Variants in LGR6 observed in about 807,000 individuals in gnomAD.
The protein encoded by LGR6 is leucine rich repeat containing G protein-coupled receptor 6, also known as leucine-rich repeat-containing G protein-coupled receptor 6.
Under a neutral mutation model 69.4 loss-of-function variants are expected in LGR6, and 45 were observed. The observed-to-expected ratio is 0.65, with a 90% CI of 0.51 to 0.83. LGR6 has a LOEUF of 0.83. Ranked by LOEUF, LGR6 falls within the 40% of genes least tolerant of loss-of-function variation. The pLI, the probability that LGR6 is intolerant of heterozygous loss-of-function variation, is 0.00. For synonymous variants in LGR6, 538 were observed against 555.0 expected (o/e 0.97, Z 0.43); for missense variants, 1,108 against 1,246.7 (o/e 0.89, Z 1.68).
chr1:202,301,344 C>T (rs891800667), intron 9 of LGR6, 109 bp downstream of exon 9: 25 of 929,696 alleles, frequency 2.7e-5, no homozygotes, highest in Non-Finnish European at 4.3e-5. Context: ...AGGCACAAGT[C>T]CACTGCAAAG....
intron 1 of LGR6, chr1:202,214,158 C>T (rs752398460): frequency 2.0e-6 from 3 of 1,513,998 alleles, no homozygotes; most frequent in Admixed American, 2.4e-5. Context: ...GGCCGGAATG[C>T]GCTTGGAGGG....
At position 202,300,919 on chromosome 1, in the gene LGR6, A is replaced by G. The variant is rs370716767; in HGVS notation, c.856A>G (p.Ile286Val). Residue 286 changes from isoleucine (I) to valine (V), a missense_variant and splice_region_variant, in exon 8 of 18, where the codon ATA becomes GTA. Coordinates refer to ENST00000367278, the MANE Select transcript of LGR6 (RefSeq NM_001017403.2). ...CATGGGGAACCCTCTGCTACAGACGATGTGAGTACTACTTTCTCTGGTCTC... is the reference window on the plus strand; with the variant it reads ...CATGGGGAACCCTCTGCTACAGACGGTGTGAGTACTACTTTCTCTGGTCTC... ...AFMGNPLLQT[I>V]HFYDNPIQFV... 6.2e-7 allele frequency: 1 copy of G among 1,609,860 alleles called. No individual in the cohort carries two copies. Among genetic ancestry groups the G allele is most frequent in the Non-Finnish European group, 8.5e-7 (1 of 1,177,300 alleles).
intron 3 of LGR6, among the ~76,000 whole-genome samples, chr1:202,235,536 A>G (rs1661470023): frequency 6.6e-6 from 1 of 152,206 alleles, no homozygotes; most frequent in Admixed American, 6.5e-5. Context: ...TCAGATGAAT[A>G]GACACGGAAA....
intron 12 of LGR6, 21 bp from the exon 13 acceptor site, chr1:202,306,847 C>T: frequency 1.2e-6 from 2 of 1,613,122 alleles, no homozygotes; most frequent in South Asian, 1.1e-5. Context: ...CCGGCTCATC[C>T]AGCCTCTCTT....
At chr1:202,296,814 G>A (rs1376660929) in intron 6 of LGR6, among the ~76,000 whole-genome samples, 1 of 152,156 alleles carries the variant, frequency 6.6e-6, no homozygotes, top group Non-Finnish European at 1.5e-5. Context: ...AATTTGAAAA[G>A]ATGTTATCAA....
In LGR6 at chr1:202,280,848, A is replaced by G. The variant is rs2148181760; in HGVS notation, c.712A>G (p.Thr238Ala). 1 of 1,613,588 alleles carries G rather than the reference A, an allele frequency of 6.2e-7. No individual in the cohort carries two copies. The highest frequency in any genetic ancestry group is 8.5e-7 in the Non-Finnish European group (1 of 1,179,698). ...HSFEGLHNLE[T>A]LDLNYNKLQE... ...CTTCGAGGGGCTGCACAATCTGGAG[A>G]CACTGTGAGTTTTGAGGTCTTGGTC... Residue 238 changes from threonine (T) to alanine (A), a missense_variant, in exon 6 of 18, where the codon ACA becomes GCA. Physicochemically the swap from Thr to Ala is moderately conservative, Grantham distance 58. Coordinates refer to ENST00000367278, the MANE Select transcript of LGR6 (RefSeq NM_001017403.2).
chr1:202,208,635 C>G (rs893887358), intron 1 of LGR6, among the ~76,000 whole-genome samples: 8 of 152,056 alleles, frequency 5.3e-5, no homozygotes, highest in Admixed American at 1.3e-4. Context: ...CCTACCCCCC[C>G]GCCAGCCGAC....
chr1:202,307,272 G>A (rs970618818), intron 13 of LGR6, 58 bp from the exon 14 acceptor site: 223 of 1,523,022 alleles, frequency 1.5e-4, no homozygotes, highest in Non-Finnish European at 2.0e-4. Flanking sequence ...CCCATGATGG[G>A]AACAGTGAGT....
chr1:202,199,675 GAC>G (rs939950917), intron 1 of LGR6, among the ~76,000 whole-genome samples: 1 of 151,886 alleles, frequency 6.6e-6, no homozygotes, highest in Non-Finnish European at 1.5e-5. Context: ...CCGGGGGAGA[GAC>G]ACACAGGGCA....
intron 1 of LGR6, among the ~76,000 whole-genome samples, chr1:202,206,280 AATG>A (rs1272718172): frequency 6.6e-6 from 1 of 152,222 alleles, no homozygotes; most frequent in Non-Finnish European, 1.5e-5. Context: ...AGCAAGAGAG[AATG>A]AGCATTGCGA....
At chr1:202,250,602 C>A (rs1663145389) in intron 4 of LGR6, among the ~76,000 whole-genome samples, 1 of 151,918 alleles carries the variant, frequency 6.6e-6, no homozygotes, top group Non-Finnish European at 1.5e-5. Flanking sequence ...GATGGGGTTT[C>A]ATCATGTTGG....
At position 202,213,943 on chromosome 1, in the gene LGR6, G is replaced by T. The variant is rs1359328629; in HGVS notation, c.213-11480G>T. 3 of 617,820 alleles carry T rather than the reference G, an allele frequency of 4.9e-6. No individual in the cohort carries two copies. In the African/African-American group the frequency reaches 6.0e-5, roughly 12 times the overall value. The allele number at this position is 617,820 out of a possible 1,614,324, so 38.3% of individuals were successfully genotyped here. ...GGCTAGGTATCAGGAAGGACTTCTT[G>T]TTGGGCAGGTATTTTAGATCCAGAT... is the stretch of plus-strand genomic sequence containing the variant. On this transcript the variant is annotated intron_variant, in intron 1 of 17. Coordinates refer to ENST00000367278, the MANE Select transcript of LGR6 (RefSeq NM_001017403.2).
intron 7 of LGR6, among the ~76,000 whole-genome samples, chr1:202,299,831 G>C (rs1297407221): frequency 3.9e-5 from 6 of 152,084 alleles, no homozygotes; most frequent in African/African-American, 1.4e-4. Flanking sequence ...GAAAAAGAGA[G>C]GGAAGGAAAG....
chr1:202,205,109 A>C (rs796193967), intron 1 of LGR6, among the ~76,000 whole-genome samples: 20 of 1,542 alleles, frequency 0.013, no homozygotes, highest in East Asian at 0.028. Context: ...CCTCCAAACA[A>C]ACACACACCT....
Position 202,193,998 on chromosome 1 carries a change from C to A in LGR6, c.9C>A (p.Ser3Arg). Residue 3 changes from serine to arginine, a missense_variant, in exon 1 of 18, where the codon AGC (serine) becomes AGA (arginine). Ser to Arg is a moderately radical substitution (Grantham distance 110). Transcript: ENST00000367278. MP[S>R]PPGLRALWLC... ...GTAGCCCGACCGCCGAGATGCCCAG[C>A]CCGCCGGGGCTCCGGGCGCTATGGC... 7.3e-7 allele frequency: 1 copy of A among 1,374,634 alleles called. No individual in the cohort carries two copies. 85.2% of individuals were successfully genotyped at this position (1,374,634 alleles called of 1,614,324 possible).
intron 4 of LGR6, among the ~76,000 whole-genome samples, chr1:202,257,296 T>G (rs1444181857): frequency 6.6e-6 from 1 of 152,230 alleles, no homozygotes; most frequent in Non-Finnish European, 1.5e-5. Flanking sequence ...CAAAAGTTTT[T>G]AATTTCAATG....
intron 7 of LGR6, among the ~76,000 whole-genome samples, chr1:202,298,206 T>G (rs1667303262): frequency 6.6e-6 from 1 of 152,192 alleles, no homozygotes; most frequent in African/African-American, 2.4e-5. Flanking sequence ...TTGCAGAGTA[T>G]TAGCTAAAAC....
intron 6 of LGR6, among the ~76,000 whole-genome samples, chr1:202,284,644 A>G (rs1666263401): frequency 6.6e-6 from 1 of 152,196 alleles, no homozygotes; most frequent in South Asian, 2.1e-4. Context: ...ACCCTAGGTC[A>G]GTGTTTGGAA....
intron 4 of LGR6, among the ~76,000 whole-genome samples, chr1:202,267,290 G>A (rs577264681): frequency 2.1e-4 from 32 of 152,244 alleles, no homozygotes; most frequent in African/African-American, 7.0e-4. Flanking sequence ...CCTGGCACCT[G>A]CTTGAAGGGG....
Sources: gnomAD v4.1 joint callset for allele counts (sites outside exome capture counted in the v4.1 genomes callset) on GRCh38, gnomAD v4.1.1 for gene constraint, MANE v1.5 for transcripts, NCBI Gene and HGNC (gene_info 2026-07-23, HGNC 2026-07-21) for gene names.